LRRC42: variants seen among roughly 807,000 people sequenced by gnomAD.
LRRC42 encodes the protein leucine-rich repeat-containing protein 42.
In LRRC42, 43 loss-of-function variants were observed where a neutral mutation model predicts 44.3. That is an observed-to-expected ratio of 0.97 (90% CI 0.76 to 1.25). LRRC42 has a LOEUF of 1.25. Among genes scored for constraint, LRRC42 ranks in the 50% most tolerant of loss-of-function variants. The pLI is 0.00. For missense variants in LRRC42, 540 were observed against 509.1 expected (o/e 1.06, Z -0.58); for synonymous variants, 207 against 195.2 (o/e 1.06, Z -0.50).
At chr1:53,959,996 C>T (rs1654951817) in intron 4 of LRRC42, among the ~76,000 whole-genome samples, 1 of 151,190 alleles carries the variant, frequency 6.6e-6, no homozygotes, top group Admixed American at 6.6e-5. Flanking sequence ...TCATAGCTCA[C>T]TGCAGCTTTG....
chr1:53,955,115 G>A (rs903441092), intron 3 of LRRC42, among the ~76,000 whole-genome samples: 17 of 152,054 alleles, frequency 1.1e-4, no homozygotes, highest in African/African-American at 4.1e-4. Context: ...TTAAATGTAT[G>A]TATTGGACAG....
intron 2 of LRRC42, 140 bp from the exon 3 acceptor site, chr1:53,951,846 A>G (rs1053778058): frequency 3.0e-6 from 2 of 664,722 alleles, no homozygotes; most frequent in Non-Finnish European, 5.0e-6. Context: ...GTTCCCAGGC[A>G]ACTGGTGAGT....
chr1:53,947,188 C>T (rs574963699), intron 1 of LRRC42, among the ~76,000 whole-genome samples: 69 of 151,582 alleles, frequency 4.6e-4, no homozygotes, highest in African/African-American at 1.6e-3. Context: ...GTCTGTGGGA[C>T]AGCAAGCCAC....
chr1:53,949,943 T>TTCATACAGTTCAGCAAATA (rs1654626058), intron 2 of LRRC42, among the ~76,000 whole-genome samples: 1 of 152,202 alleles, frequency 6.6e-6, no homozygotes, highest in Non-Finnish European at 1.5e-5. Context: ...TACCCTTCCT[T>TTCATACAGTTCAGCAAATA]TCATACAGTT....
intron 3 of LRRC42, among the ~76,000 whole-genome samples, chr1:53,953,605 C>T (rs544506479): frequency 2.6e-4 from 40 of 151,998 alleles, no homozygotes; most frequent in Non-Finnish European, 4.4e-4. Context: ...ATGATCCTCC[C>T]GCCTCAGCCT....
Position 53,962,390 on chromosome 1 carries a change from C to G in LRRC42, c.908C>G (p.Thr303Arg). Reference protein sequence around the residue: ...LKEFDHSNCKTEGWADQIVLQ... With the variant: ...LKEFDHSNCKREGWADQIVLQ... ...GAATTTGATCATAGTAACTGCAAGA[C>G]AGAGGGCTGGGCTGACCAGGTACTC... Residue 303 changes from threonine (T) to arginine (R), a missense_variant, in exon 7 of 9, where the codon ACA becomes AGA. Physicochemically the swap from Thr to Arg is moderately conservative, Grantham distance 71. Coordinates refer to ENST00000371370, the MANE Select transcript of LRRC42 (RefSeq NM_001256409.2). The G allele has an allele frequency of 1.2e-6, 2 of 1,612,862 alleles. No individual in the cohort carries two copies. Among genetic ancestry groups the G allele is most frequent in the Non-Finnish European group, 1.7e-6 (2 of 1,178,808 alleles).
At chr1:53,966,199 T>G in intron 7 of LRRC42, 97 bp from the exon 8 acceptor site, 10 of 889,564 alleles carry the variant, frequency 1.1e-5, no homozygotes, top group Non-Finnish European at 1.3e-5. Context: ...CCAGAGGGGT[T>G]TGTGTTTATG....
Position 53,966,306 on chromosome 1 carries a change from A to C in LRRC42, c.938A>C (p.Gln313Pro), listed in dbSNP as rs773822239. The change falls in exon 8 of 9, where the codon CAG becomes CCG. Residue 313 changes from glutamine (Q) to proline (P), a missense_variant. Physicochemically the swap from Gln to Pro is moderately conservative, Grantham distance 76 (BLOSUM62 -1). Transcript: ENST00000371370. Reference sequence around the variant, plus strand: ...CCAAATATGTTTCAGATCGTTCTGCAGTGGGAGCGTGTGACTGCGGAAGCT... The same window carrying C: ...CCAAATATGTTTCAGATCGTTCTGCCGTGGGAGCGTGTGACTGCGGAAGCT... Reference protein sequence around the residue: ...TEGWADQIVLQWERVTAEAVK... With the variant: ...TEGWADQIVLPWERVTAEAVK... 1 of 1,612,894 alleles carries C rather than the reference A, an allele frequency of 6.2e-7. No homozygotes were observed. The highest frequency in any genetic ancestry group is 1.1e-5 in the South Asian group (1 of 91,064).
chr1:53,958,332 G>A (rs372656437), intron 4 of LRRC42, 52 bp downstream of exon 4: 140 of 1,598,054 alleles, frequency 8.8e-5, no homozygotes, highest in Middle Eastern at 6.8e-4. Context: ...TGTTTTAAAG[G>A]CTGATCCAAC....
intron 2 of LRRC42, among the ~76,000 whole-genome samples, chr1:53,948,467 G>A (rs944407289): frequency 6.6e-6 from 1 of 152,180 alleles, no homozygotes; most frequent in Non-Finnish European, 1.5e-5. Context: ...GGTACACTTC[G>A]TGGTAACTTT....
intron 7 of LRRC42, among the ~76,000 whole-genome samples, chr1:53,963,943 G>GCCCC (rs150179105): frequency 2.3e-5 from 1 of 43,772 alleles, no homozygotes; most frequent in Non-Finnish European, 4.4e-5. Context: ...TTCCCCTCCT[G>GCCCC]CCCACCCCCC....
At chr1:53,960,508 T>A (rs747932293) in intron 5 of LRRC42, 34 bp downstream of exon 5, 1 of 1,445,350 alleles carries the variant, frequency 6.9e-7, no homozygotes, top group South Asian at 1.2e-5. Context: ...ATTATTTTAA[T>A]GTTGGAAGAA....
Position 53,967,657 on chromosome 1 carries a change from T to G in LRRC42, c.1013-8T>G. On this transcript the variant is annotated splice_region_variant and splice_polypyrimidine_tract_variant and intron_variant, in intron 8 of 8. Transcript: ENST00000371370. ...TAGTGAACTCATCATCCCTCCCTTCTGTCACAGATGGGAAGCGGTCTCGAG... is the reference window on the plus strand; with the variant it reads ...TAGTGAACTCATCATCCCTCCCTTCGGTCACAGATGGGAAGCGGTCTCGAG... 1 of 1,613,126 alleles carries G rather than the reference T, an allele frequency of 6.2e-7. No homozygotes were observed. Among genetic ancestry groups the G allele is most frequent in the Non-Finnish European group, 8.5e-7 (1 of 1,179,374 alleles).
intron 2 of LRRC42, among the ~76,000 whole-genome samples, chr1:53,949,768 C>T (rs577627656): frequency 5.6e-4 from 86 of 152,264 alleles, no homozygotes; most frequent in Middle Eastern, 6.8e-3. Flanking sequence ...CCTTGTAGTA[C>T]CAGTAGCAAT....
chr1:53,958,700 C>G (rs376510484), intron 4 of LRRC42, among the ~76,000 whole-genome samples: 2 of 152,112 alleles, frequency 1.3e-5, no homozygotes, highest in Non-Finnish European at 2.9e-5. Flanking sequence ...AATTCTCCTG[C>G]GTCAGCCTCC....
chr1:53,948,099 C>T (rs946326766), intron 2 of LRRC42: 6 of 152,220 alleles, frequency 3.9e-5, no homozygotes, highest in African/African-American at 1.4e-4. Flanking sequence ...TGCTTGGCAA[C>T]TGGTAGGTGC....
intron 7 of LRRC42, among the ~76,000 whole-genome samples, chr1:53,963,970 C>G (rs1655063089): frequency 9.1e-6 from 1 of 109,592 alleles, no homozygotes; most frequent in Non-Finnish European, 1.7e-5. Flanking sequence ...CTTCATTGTC[C>G]CCCTTTGTTG....
intron 7 of LRRC42, among the ~76,000 whole-genome samples, chr1:53,963,949 C>G (rs1655060753): frequency 3.0e-5 from 3 of 100,598 alleles, no homozygotes; most frequent in Admixed American, 2.2e-4. Context: ...TCCTGCCCAC[C>G]CCCCCCCCAT....
chr1:53,951,622 A>G (rs1240335093), intron 2 of LRRC42, among the ~76,000 whole-genome samples: 1 of 152,116 alleles, frequency 6.6e-6, no homozygotes, highest in Non-Finnish European at 1.5e-5. Flanking sequence ...ATGGGGTTTC[A>G]CCATGTTGGC....
Sources: allele counts gnomAD v4.1 joint callset (sites outside exome capture counted in the v4.1 genomes callset), GRCh38; gene constraint gnomAD v4.1.1; transcripts MANE v1.5; gene names NCBI Gene and HGNC (gene_info 2026-07-23, HGNC 2026-07-21).